GPC5: variants seen among roughly 807,000 people sequenced by gnomAD.
GPC5 encodes the protein glypican-5.
GPC5 carries 47 observed loss-of-function variants against 53.9 expected under a neutral mutation model. The ratio of observed to expected loss-of-function variants is 0.87; its 90% CI spans 0.69 to 1.11. The LOEUF is 1.11. GPC5 is among the 50% of genes most tolerant of loss of function. GPC5 has a pLI of 0.00. For synonymous variants in GPC5, 286 were observed against 263.3 expected (o/e 1.09, Z -0.84); for missense variants, 748 against 713.1 (o/e 1.05, Z -0.56).
In GPC5 at chr13:91,635,179, T is replaced by C. The variant is rs74107740; in HGVS notation, c.326-58008T>C. Among the ~76,000 whole-genome samples, 392 of 152,234 alleles carry C rather than the reference T, an allele frequency of 2.6e-3. 2 individuals are homozygous for C. The highest frequency in any genetic ancestry group is 8.6e-3 in the African/African-American group (359 of 41,568). On this transcript the variant is annotated intron_variant, in intron 2 of 7. Coordinates refer to ENST00000377067, the MANE Select transcript of GPC5 (RefSeq NM_004466.6). ...CTTAATTTCTATTTTAATGTTCTGT[T>C]AGGTATTTTAATGAATGTATTTTCC...
chr13:91,637,414 T>A (rs1410562166), intron 2 of GPC5, among the ~76,000 whole-genome samples: 9 of 152,202 alleles, frequency 5.9e-5, no homozygotes, highest in Non-Finnish European at 1.2e-4. Flanking sequence ...ATGTTAAATG[T>A]TTTCCAGAAA....
rs528023704 is a variant in GPC5 at position 91,690,877 on chromosome 13, C to T, written c.326-2310C>T. Among the ~76,000 whole-genome samples the T allele has an allele frequency of 2.1e-4, 32 of 152,266 alleles. No homozygotes were observed. The East Asian group carries it at 6.2e-3, about 29-fold the overall frequency. On this transcript the variant is annotated intron_variant, in intron 2 of 7. Coordinates refer to ENST00000377067, the MANE Select transcript of GPC5 (RefSeq NM_004466.6). Reference sequence around the variant, plus strand: ...CTGGGTGGAAAGCATGTAAGAATGCCTGTGATATAGGGTATCTTTGAATCT... The same window carrying T: ...CTGGGTGGAAAGCATGTAAGAATGCTTGTGATATAGGGTATCTTTGAATCT...
At chr13:91,715,747 GT>G (rs35613083) in intron 3 of GPC5, among the ~76,000 whole-genome samples, 5,846 of 99,960 alleles carry the variant, frequency 0.058, 143 homozygotes, top group Middle Eastern at 0.19. Flanking sequence ...TCTTGAAGTT[GT>G]TTTTTTTTTT....
At chr13:92,367,550 T>G (rs1165846467) in intron 7 of GPC5, among the ~76,000 whole-genome samples, 1 of 152,230 alleles carries the variant, frequency 6.6e-6, no homozygotes, top group Non-Finnish European at 1.5e-5. Context: ...TAAGAGATAT[T>G]TTGTACCCAA....
At chr13:92,846,192 G>A (rs1878606668) in intron 7 of GPC5, among the ~76,000 whole-genome samples, 1 of 152,220 alleles carries the variant, frequency 6.6e-6, no homozygotes, top group East Asian at 1.9e-4. Context: ...GAGCGAAGGA[G>A]GGAAAAGCCC....
At chr13:91,689,011 AG>A (rs2035683239) in intron 2 of GPC5, among the ~76,000 whole-genome samples, 1 of 150,886 alleles carries the variant, frequency 6.6e-6, no homozygotes, top group African/African-American at 2.4e-5. Context: ...AATAATAAAA[AG>A]TAAAAATTAG....
At chr13:91,897,339 G>GTGTA (rs1185927720) in intron 5 of GPC5, among the ~76,000 whole-genome samples, 140 of 110,764 alleles carry the variant, frequency 1.3e-3, no homozygotes, top group Non-Finnish European at 2.3e-3. Context: ...AGAATGCTGT[G>GTGTA]TGTGTGTGTG....
In GPC5 at chr13:91,739,004, T is replaced by C. The variant is rs185920938; in HGVS notation, c.1154+10339T>C. On this transcript the variant is annotated intron_variant, in intron 4 of 7. Transcript: ENST00000377067. ...TAGCCTTAGTATAGCTTTTGTTGATTATTACAGGTGATGAATTTTTGCAGC... is the reference window on the plus strand; with the variant it reads ...TAGCCTTAGTATAGCTTTTGTTGATCATTACAGGTGATGAATTTTTGCAGC... Among the ~76,000 whole-genome samples, 255 of 151,682 alleles carry C rather than the reference T, an allele frequency of 1.7e-3. 6 individuals are homozygous for C. The highest frequency in any genetic ancestry group is 3.1e-4 in the Non-Finnish European group (21 of 68,034).
At chr13:92,184,974 C>T (rs1028265676) in intron 7 of GPC5, among the ~76,000 whole-genome samples, 1 of 152,096 alleles carries the variant, frequency 6.6e-6, no homozygotes, top group African/African-American at 2.4e-5. Context: ...GTAAAAACAA[C>T]AGGATTTTTA....
chr13:92,611,666 C>T (rs542001527), intron 7 of GPC5, among the ~76,000 whole-genome samples: 1 of 152,204 alleles, frequency 6.6e-6, no homozygotes, highest in Admixed American at 6.5e-5. Flanking sequence ...GTCCTAGTTA[C>T]AGGATTTATT....
chr13:92,447,961 T>G (rs1354454209), intron 7 of GPC5: 1 of 152,138 alleles, frequency 6.6e-6, no homozygotes, highest in African/African-American at 2.4e-5. Context: ...TTATATAAAT[T>G]TGTTAATTAT....
chr13:92,042,413 C>T (rs981499555), intron 6 of GPC5, among the ~76,000 whole-genome samples: 4 of 152,106 alleles, frequency 2.6e-5, no homozygotes, highest in African/African-American at 9.6e-5. Flanking sequence ...AGGGCTCCAG[C>T]ACAAGCTTTC....
At chr13:92,504,765 A>T (rs1008363059) in intron 7 of GPC5, among the ~76,000 whole-genome samples, 2 of 151,886 alleles carry the variant, frequency 1.3e-5, no homozygotes, top group Non-Finnish European at 2.9e-5. Flanking sequence ...GCTTTGGAGT[A>T]CTTGGGCAAC....
At chr13:91,627,772 C>G (rs987257238) in intron 2 of GPC5, among the ~76,000 whole-genome samples, 2 of 152,046 alleles carry the variant, frequency 1.3e-5, no homozygotes, top group South Asian at 4.2e-4. Context: ...CACAATTTTC[C>G]TGTAGCATTT....
At chr13:92,815,452 G>C (rs558090010) in intron 7 of GPC5, among the ~76,000 whole-genome samples, 1 of 152,024 alleles carries the variant, frequency 6.6e-6, no homozygotes, top group African/African-American at 2.4e-5. Flanking sequence ...CGTGGATGAA[G>C]CAAGTAATCA....
intron 6 of GPC5, among the ~76,000 whole-genome samples, chr13:92,053,434 A>G (rs538076840): frequency 1.3e-5 from 2 of 152,324 alleles, no homozygotes; most frequent in African/African-American, 2.4e-5. Flanking sequence ...GAGCCGAGGC[A>G]AGAACTCTTC....
At chr13:92,203,705 C>T (rs1317770568) in intron 7 of GPC5, among the ~76,000 whole-genome samples, 4 of 149,002 alleles carry the variant, frequency 2.7e-5, no homozygotes, top group Admixed American at 6.7e-5. Context: ...TTGATTATGC[C>T]ACTCCTTTAC....
At chr13:92,783,425 G>A (rs1876102282) in intron 7 of GPC5, among the ~76,000 whole-genome samples, 1 of 152,178 alleles carries the variant, frequency 6.6e-6, no homozygotes. Context: ...GTGACCTAGG[G>A]ATGGTCACAG....
chr13:91,892,091 C>T (rs145700495), intron 5 of GPC5, among the ~76,000 whole-genome samples: 2 of 152,092 alleles, frequency 1.3e-5, no homozygotes, highest in African/African-American at 2.4e-5. Flanking sequence ...AGAATACTCA[C>T]ATTGATAATG....
Sources: gnomAD v4.1 joint callset for allele counts (sites outside exome capture counted in the v4.1 genomes callset) on GRCh38, gnomAD v4.1.1 for gene constraint, MANE v1.5 for transcripts, NCBI Gene and HGNC (gene_info 2026-07-23, HGNC 2026-07-21) for gene names.